The following GPC5 variants were observed in gnomAD, a reference collection of about 807,000 sequenced individuals.
GPC5 encodes glypican-5.
GPC5 carries 47 observed loss-of-function variants against 53.9 expected under a neutral mutation model. The ratio of observed to expected loss-of-function variants is 0.87; its 90% CI spans 0.69 to 1.11. The LOEUF (loss-of-function observed/expected upper bound fraction) is 1.11. Among genes scored for constraint, GPC5 ranks in the 50% most tolerant of loss-of-function variants. The probability of loss-of-function intolerance (pLI) is 0.00; values close to 1 mark genes in which losing one functional copy is unlikely to be tolerated. For missense variants in GPC5, 748 were observed against 713.1 expected (o/e 1.05, Z -0.56); for synonymous variants, 286 against 263.3 (o/e 1.09, Z -0.84).
rs183559393 is a variant in GPC5, at chr13:92,669,508, G to A, written c.1562-196774G>A. The stretch of plus-strand genomic sequence containing the variant: ...ACTGAGCACCTGTTTGCTGTATATC[G>A]TCGGCTTGGCCAATGTCAGGTGGAT... On this transcript the variant is annotated intron_variant, in intron 7 of 7. Coordinates refer to ENST00000377067, the MANE Select transcript of GPC5 (RefSeq NM_004466.6). 2.6e-5 allele frequency among the ~76,000 whole-genome samples: 4 copies of A among 152,122 alleles called. No individual in the cohort carries two copies. In the East Asian group the frequency reaches 7.8e-4, roughly 30 times the overall value.
At chr13:91,558,012 A>C (rs1414719) in intron 2 of GPC5, among the ~76,000 whole-genome samples, 21,733 of 152,118 alleles carry the variant, frequency 0.14, 2,070 homozygotes, top group African/African-American at 0.26. Context: ...AGAGAGTCTT[A>C]GCAAAAGCTC....
chr13:92,758,937 G>A (rs1389543575), intron 7 of GPC5, among the ~76,000 whole-genome samples: 1 of 141,104 alleles, frequency 7.1e-6, no homozygotes, highest in Non-Finnish European at 1.5e-5. Context: ...AATTTCATTG[G>A]TTTATTTTCA....
chr13:92,590,722 G>A lies in GPC5; in HGVS notation c.1562-275560G>A, dbSNP rs79211193. Among the ~76,000 whole-genome samples, 573 of 152,318 alleles carry A rather than the reference G, an allele frequency of 3.8e-3. 2 individuals carry two copies. Among genetic ancestry groups the A allele is most frequent in the Non-Finnish European group, 5.6e-3 (381 of 68,032 alleles). On this transcript the variant is annotated intron_variant, in intron 7 of 7. Coordinates refer to ENST00000377067, the MANE Select transcript of GPC5 (RefSeq NM_004466.6). Reference sequence around the variant, plus strand: ...TTCAACATTGTGTGTGTTGCTCTCCGAAACAGACACTTGAGTCGTCTACAC... The same window carrying A: ...TTCAACATTGTGTGTGTTGCTCTCCAAAACAGACACTTGAGTCGTCTACAC...
rs532440151 is a variant in GPC5 at position 92,359,420 on chromosome 13, C to T, written c.1561+214431C>T. On this transcript the variant is annotated intron_variant, in intron 7 of 7. Transcript: ENST00000377067. ...TCCAAACTTTCCTTGATCTTCCTCT[C>T]TTCCTCTGAGTCCTCCAAACTGTTC... Among the ~76,000 whole-genome samples the T allele has an allele frequency of 1.2e-4, 18 of 151,756 alleles. 1 individual carries two copies. Among genetic ancestry groups the T allele is most frequent in the Admixed American group, 9.8e-4 (15 of 15,280 alleles).
chr13:91,402,883 A>T (rs896208944), intron 1 of GPC5, among the ~76,000 whole-genome samples: 5 of 152,196 alleles, frequency 3.3e-5, no homozygotes, highest in Non-Finnish European at 1.5e-5. Context: ...ATTATGGTGA[A>T]TATTTTGTTT....
At chr13:92,090,651 G>A (rs367576760) in intron 6 of GPC5, among the ~76,000 whole-genome samples, 20 of 152,162 alleles carry the variant, frequency 1.3e-4, no homozygotes, top group Admixed American at 2.0e-4. Flanking sequence ...TGGGAAACCC[G>A]TTAATATTGT....
chr13:91,846,693 T>G (rs1237060710), intron 5 of GPC5, among the ~76,000 whole-genome samples: 1 of 152,156 alleles, frequency 6.6e-6, no homozygotes, highest in Non-Finnish European at 1.5e-5. Context: ...GCAAGTATTG[T>G]CAATGGTTAT....
At chr13:92,341,606 A>G (rs994998601) in intron 7 of GPC5, among the ~76,000 whole-genome samples, 20 of 152,098 alleles carry the variant, frequency 1.3e-4, no homozygotes, top group African/African-American at 4.6e-4. Flanking sequence ...GTAGTAAAAT[A>G]AAGTTTGTAT....
intron 6 of GPC5, among the ~76,000 whole-genome samples, chr13:92,097,355 G>A (rs138002326): frequency 0.013 from 2,045 of 152,274 alleles, 46 homozygotes; most frequent in African/African-American, 0.047. Flanking sequence ...GATGAAACAA[G>A]TGCTTGATTG....
intron 7 of GPC5, among the ~76,000 whole-genome samples, chr13:92,411,783 A>G (rs965200552): frequency 3.3e-5 from 5 of 152,230 alleles, no homozygotes; most frequent in African/African-American, 1.2e-4. Flanking sequence ...ATATAAATCC[A>G]TATGTAAATT....
At chr13:91,970,464 C>T (rs2040231306) in intron 6 of GPC5, among the ~76,000 whole-genome samples, 1 of 151,250 alleles carries the variant, frequency 6.6e-6, no homozygotes, top group Non-Finnish European at 1.5e-5. Context: ...TACATACACA[C>T]AAGCTATGTG....
At chr13:92,010,674 T>C in intron 6 of GPC5, among the ~76,000 whole-genome samples, 1 of 152,112 alleles carries the variant, frequency 6.6e-6, no homozygotes, top group East Asian at 1.9e-4. Context: ...TCTCCCTTTC[T>C]CTGTCTCTCT....
intron 2 of GPC5, among the ~76,000 whole-genome samples, chr13:91,470,013 T>C (rs1213396499): frequency 6.6e-6 from 1 of 152,180 alleles, no homozygotes; most frequent in African/African-American, 2.4e-5. Flanking sequence ...CACTCCAGCC[T>C]GGGTGACAGA....
chr13:92,385,800 T>C (rs1874684876), intron 7 of GPC5, among the ~76,000 whole-genome samples: 1 of 87,966 alleles, frequency 1.1e-5, no homozygotes, highest in Non-Finnish European at 2.4e-5. Flanking sequence ...TATACATATA[T>C]ACGTATATAT....
At chr13:92,384,531 G>A (rs2043776467) in intron 7 of GPC5, among the ~76,000 whole-genome samples, 1 of 152,002 alleles carries the variant, frequency 6.6e-6, no homozygotes. Flanking sequence ...ATATTTTGCT[G>A]AAACATAAAT....
intron 2 of GPC5, among the ~76,000 whole-genome samples, chr13:91,504,835 T>A (rs1224314168): frequency 1.3e-5 from 2 of 151,976 alleles, no homozygotes; most frequent in African/African-American, 4.8e-5. Flanking sequence ...GCACCTGTAG[T>A]CCCAACTACT....
At chr13:92,098,279 C>T (rs1239336776) in intron 6 of GPC5, among the ~76,000 whole-genome samples, 12 of 152,170 alleles carry the variant, frequency 7.9e-5, no homozygotes, top group East Asian at 1.9e-4. Context: ...TCTGTTACTG[C>T]GTTAGTTTGT....
intron 7 of GPC5, among the ~76,000 whole-genome samples, chr13:92,578,939 A>G (rs1384633531): frequency 1.3e-5 from 2 of 152,158 alleles, no homozygotes; most frequent in Non-Finnish European, 2.9e-5. Context: ...CATGATCCCA[A>G]TAAGTGATAA....
chr13:91,839,313 A>G (rs1214708625), intron 5 of GPC5, among the ~76,000 whole-genome samples: 2 of 152,132 alleles, frequency 1.3e-5, no homozygotes, highest in Non-Finnish European at 2.9e-5. Context: ...TTTCAGTATG[A>G]TAACAGACAT....
Sources: gnomAD v4.1 joint callset for allele counts (sites outside exome capture counted in the v4.1 genomes callset) on GRCh38, gnomAD v4.1.1 for gene constraint, MANE v1.5 for transcripts, NCBI Gene and HGNC (gene_info 2026-07-23, HGNC 2026-07-21) for gene names.